Variants in CYYR1 observed in about 807,000 individuals in gnomAD.
The protein encoded by CYYR1 is cysteine and tyrosine rich 1.
Under a neutral mutation model 15.2 loss-of-function variants are expected in CYYR1, and 14 were observed. The ratio of observed to expected loss-of-function variants is 0.92; its 90% CI spans 0.61 to 1.44. The LOEUF is 1.44. CYYR1 is among the 40% of genes most tolerant of loss of function. The pLI is 0.00. For missense variants in CYYR1, 228 were observed against 209.5 expected (o/e 1.09, Z -0.54); for synonymous variants, 80 against 77.4 (o/e 1.03, Z -0.18).
At chr21:26,538,046 T>C (rs772521570) in intron 2 of CYYR1, among the ~76,000 whole-genome samples, 4 of 152,170 alleles carry the variant, frequency 2.6e-5, no homozygotes, top group Non-Finnish European at 4.4e-5. Context: ...ACTAAGACAG[T>C]GAGCAAGAGT....
In CYYR1 at chr21:26,572,966, G is replaced by A. The variant is rs759211669; in HGVS notation, c.-26C>T. 3.7e-6 allele frequency: 6 copies of A among 1,613,302 alleles called. No homozygotes were observed. In the East Asian group the frequency reaches 1.3e-4, roughly 36 times the overall value. On this transcript the variant is annotated 5_prime_UTR_variant, in exon 1 of 4. Coordinates refer to ENST00000652641, the MANE Select transcript of CYYR1 (RefSeq NM_001320768.2). ...CCAAGCCGGTGGCCTGAGGCTTGGA[G>A]CGAAGGGAGAGCCCGGAACCGGAGG...
chr21:26,477,134 T>C (rs2065115849), intron 3 of CYYR1, among the ~76,000 whole-genome samples: 1 of 152,170 alleles, frequency 6.6e-6, no homozygotes, highest in Non-Finnish European at 1.5e-5. Flanking sequence ...GCTCTCTGCA[T>C]TTATCTGATC....
chr21:26,558,897 A>C (rs1301407966), intron 2 of CYYR1, among the ~76,000 whole-genome samples: 1 of 152,092 alleles, frequency 6.6e-6, no homozygotes, highest in African/African-American at 2.4e-5. Flanking sequence ...GGTTGCTTCC[A>C]ATGTTTTGCT....
intron 2 of CYYR1, among the ~76,000 whole-genome samples, chr21:26,509,744 C>T (rs753287759): frequency 6.6e-6 from 1 of 152,114 alleles, no homozygotes; most frequent in Non-Finnish European, 1.5e-5. Context: ...TGTTTGCTAC[C>T]GAGGATCTCA....
intron 2 of CYYR1, among the ~76,000 whole-genome samples, chr21:26,561,437 C>G (rs940903249): frequency 2.0e-5 from 3 of 152,120 alleles, no homozygotes; most frequent in Non-Finnish European, 4.4e-5. Flanking sequence ...CCTCAAATGC[C>G]ACTCGAAAAT....
At chr21:26,502,785 G>T (rs2065499289) in intron 2 of CYYR1, among the ~76,000 whole-genome samples, 1 of 151,932 alleles carries the variant, frequency 6.6e-6, no homozygotes, top group African/African-American at 2.4e-5. Flanking sequence ...TATAGGTAAT[G>T]TTGGAGAAGA....
intron 2 of CYYR1, among the ~76,000 whole-genome samples, chr21:26,553,179 C>A (rs565471757): frequency 6.6e-6 from 1 of 152,140 alleles, no homozygotes; most frequent in East Asian, 1.9e-4. Flanking sequence ...CTTTCCTGGC[C>A]TCTAAGGTTT....
intron 2 of CYYR1, among the ~76,000 whole-genome samples, chr21:26,525,311 C>T (rs1230245164): frequency 6.6e-6 from 1 of 151,992 alleles, no homozygotes; most frequent in East Asian, 1.9e-4. Flanking sequence ...AACTAATTTT[C>T]AATGGCTCCA....
At chr21:26,555,230 A>G (rs928387192) in intron 2 of CYYR1, among the ~76,000 whole-genome samples, 1 of 152,192 alleles carries the variant, frequency 6.6e-6, no homozygotes, top group Admixed American at 6.5e-5. Flanking sequence ...ATAAGAATGA[A>G]TATTACTTGA....
intron 2 of CYYR1, among the ~76,000 whole-genome samples, chr21:26,560,052 G>A (rs1980090783): frequency 6.6e-6 from 1 of 152,048 alleles, no homozygotes; most frequent in Non-Finnish European, 1.5e-5. Flanking sequence ...TTTAAATATT[G>A]ACATCTTTAC....
intron 2 of CYYR1, among the ~76,000 whole-genome samples, chr21:26,491,934 T>G (rs2065334745): frequency 6.6e-6 from 1 of 152,172 alleles, no homozygotes; most frequent in Non-Finnish European, 1.5e-5. Flanking sequence ...GTGATTTGCC[T>G]GGTTCTGACA....
chr21:26,515,186 G>T (rs2065709332), intron 2 of CYYR1, among the ~76,000 whole-genome samples: 1 of 152,058 alleles, frequency 6.6e-6, no homozygotes, highest in African/African-American at 2.4e-5. Context: ...TTGGATCTCT[G>T]GCCTTCAATG....
chr21:26,480,998 C>T (rs1371444424), intron 2 of CYYR1, among the ~76,000 whole-genome samples: 1 of 152,018 alleles, frequency 6.6e-6, no homozygotes, highest in Non-Finnish European at 1.5e-5. Context: ...CCCATTAATT[C>T]AGGAAGAACA....
intron 2 of CYYR1, among the ~76,000 whole-genome samples, chr21:26,537,637 G>A (rs1055947247): frequency 2.6e-5 from 4 of 152,030 alleles, no homozygotes. Context: ...AGCAAATCGA[G>A]GGCAATGCTT....
intron 2 of CYYR1, among the ~76,000 whole-genome samples, chr21:26,552,532 C>T (rs1979470151): frequency 6.6e-6 from 1 of 151,856 alleles, no homozygotes; most frequent in Non-Finnish European, 1.5e-5. Context: ...TGTTTGTTCC[C>T]TCTGTTTTTC....
chr21:26,504,138 A>C (rs138193782), intron 2 of CYYR1, among the ~76,000 whole-genome samples: 1 of 152,336 alleles, frequency 6.6e-6, no homozygotes, highest in African/African-American at 2.4e-5. Context: ...ACAGTGTCCA[A>C]GTATCTCACG....
intron 3 of CYYR1, among the ~76,000 whole-genome samples, chr21:26,469,533 G>A (rs138267104): frequency 1.6e-3 from 247 of 151,680 alleles, no homozygotes; most frequent in Non-Finnish European, 3.0e-3. Context: ...ATATTCATGG[G>A]GTACAGAGTG....
chr21:26,479,108 C>A (rs563944764), intron 3 of CYYR1, among the ~76,000 whole-genome samples: 4 of 152,130 alleles, frequency 2.6e-5, no homozygotes, highest in African/African-American at 9.6e-5. Context: ...GCACTTACCA[C>A]CCTGAGGTTG....
At chr21:26,491,225 G>A (rs1442122274) in intron 2 of CYYR1, among the ~76,000 whole-genome samples, 1 of 152,152 alleles carries the variant, frequency 6.6e-6, no homozygotes, top group Non-Finnish European at 1.5e-5. Context: ...CATTGGCATG[G>A]TTCACCCTTT....
Sources: gnomAD v4.1 joint callset for allele counts (sites outside exome capture counted in the v4.1 genomes callset) on GRCh38, gnomAD v4.1.1 for gene constraint, MANE v1.5 for transcripts, NCBI Gene and HGNC (gene_info 2026-07-23, HGNC 2026-07-21) for gene names.